Variants in IL17RD observed in about 807,000 individuals in gnomAD.
The protein encoded by IL17RD is interleukin 17 receptor D.
Under a neutral mutation model 80.5 loss-of-function variants are expected in IL17RD, and 52 were observed. The ratio of observed to expected loss-of-function variants is 0.65; its 90% CI spans 0.52 to 0.81. The LOEUF (loss-of-function observed/expected upper bound fraction) is 0.81, where lower values mean the gene tolerates loss of function less well. Among genes scored for constraint, IL17RD ranks in the 40% least tolerant of loss-of-function variants. IL17RD has a pLI of 0.00. For synonymous variants in IL17RD, 416 were observed against 391.8 expected, an observed-to-expected ratio of 1.06 and a Z score of -0.73; for missense variants, 1,024 against 955.1, an observed-to-expected ratio of 1.07 and a Z score of -0.95.
At chr3:57,164,999 G>A (rs932425311) in intron 1 of IL17RD, 162 bp downstream of exon 1, 11 of 1,337,942 alleles carry the variant, frequency 8.2e-6, no homozygotes, top group African/African-American at 7.8e-5. Context: ...CGCGTCCGGG[G>A]AGGGAAACCA....
chr3:57,156,048 T>C (rs761654123), intron 1 of IL17RD, among the ~76,000 whole-genome samples: 66 of 152,328 alleles, frequency 4.3e-4, no homozygotes, highest in Non-Finnish European at 5.1e-4. Context: ...GAGAACCTAC[T>C]ATGTGCCAGG....
At chr3:57,156,118 G>C (rs1192423369) in intron 1 of IL17RD, among the ~76,000 whole-genome samples, 3 of 152,196 alleles carry the variant, frequency 2.0e-5, no homozygotes, top group African/African-American at 7.2e-5. Context: ...ACATGGAGCT[G>C]ACACTGCAAC....
intron 1 of IL17RD, chr3:57,142,612 G>A (rs2107527682): frequency 4.8e-6 from 3 of 619,116 alleles, no homozygotes; most frequent in South Asian, 1.7e-5. Flanking sequence ...TGAGCCTCAG[G>A]AACTTCTCTA....
upstream of IL17RD, among the ~76,000 whole-genome samples, chr3:57,167,545 G>T (rs1033259417): frequency 6.6e-6 from 1 of 152,116 alleles, no homozygotes. Context: ...GAGGCGACCA[G>T]CTCCTTAATC....
Position 57,127,413 on chromosome 3 carries a change from T to TATA in IL17RD, c.127-7101_127-7100insTAT, listed in dbSNP as rs1491388109. ...ATAAATAAATATATATATATATATA[T>TATA]TTTTTTTTTGAGATAAGAGTCTTGC... On this transcript the variant is annotated intron_variant, in intron 1 of 12. Coordinates refer to ENST00000296318, the MANE Select transcript of IL17RD (RefSeq NM_017563.5). Among the ~76,000 whole-genome samples, 325 of 66,070 alleles carry TATA rather than the reference T, an allele frequency of 4.9e-3. 40 individuals are homozygous for TATA. Among genetic ancestry groups the TATA allele is most frequent in the Middle Eastern group, 0.014 (2 of 148 alleles). 43.3% of individuals were successfully genotyped at this position (66,070 alleles called of 152,430 possible). A position where few individuals can be genotyped will look rare whatever the true frequency, so the allele number is the denominator to read the frequency against.
At chr3:57,106,183 T>A in intron 5 of IL17RD, 29 bp from the exon 6 acceptor site, 1 of 1,568,594 alleles carries the variant, frequency 6.4e-7, no homozygotes, top group Non-Finnish European at 8.7e-7. Context: ...TACATGTTTT[T>A]AGTTTTAGGA....
chr3:57,146,804 G>A (rs936399367), intron 1 of IL17RD, among the ~76,000 whole-genome samples: 2 of 146,380 alleles, frequency 1.4e-5, no homozygotes, highest in Non-Finnish European at 1.5e-5. Flanking sequence ...TATTTCGTGT[G>A]TGTGTGAGAG....
In IL17RD at chr3:57,103,120, CTTG is replaced by C. The variant is rs1435050533; in HGVS notation, c.836_838del (p.Thr279del). 9.4e-6 allele frequency: 15 copies of C among 1,603,216 alleles called. No homozygotes were observed. The highest frequency in any genetic ancestry group is 5.1e-5 in the Admixed American group (3 of 58,536). On this transcript the variant is annotated inframe_deletion, in exon 9 of 13. Transcript: ENST00000296318. ...CTTTAAGGCATAATGCATCACTTTTCTTGTTGTGTTAGTGTCATCCACCAGCTG... is the reference window on the plus strand; with the variant it reads ...CTTTAAGGCATAATGCATCACTTTTCTTGTGTTAGTGTCATCCACCAGCTG...
chr3:57,122,223 C>T (rs933296295), intron 1 of IL17RD, among the ~76,000 whole-genome samples: 11 of 152,158 alleles, frequency 7.2e-5, no homozygotes, highest in African/African-American at 2.4e-4. Context: ...AGAAGCTTAA[C>T]AAGGAGAAGG....
At chr3:57,127,687 G>A (rs1029985404) in intron 1 of IL17RD, among the ~76,000 whole-genome samples, 4 of 151,988 alleles carry the variant, frequency 2.6e-5, no homozygotes, top group East Asian at 1.9e-4. Context: ...GATTACAGGC[G>A]TGAGCCACCA....
chr3:57,093,458 TAAAAG>T lies in IL17RD; in HGVS notation c.*2930_*2934del, dbSNP rs1706602849. On this transcript the variant is annotated 3_prime_UTR_variant, in exon 13 of 13. Transcript: ENST00000296318. Reference sequence around the variant, plus strand: ...TGGTCCTCTTGCCCCTTATTTCTTTTAAAAGAAAAGATGCTCAACTCTGAAAAAAA... The same window carrying T: ...TGGTCCTCTTGCCCCTTATTTCTTTTAAAAGATGCTCAACTCTGAAAAAAA... 1.3e-5 allele frequency: 2 copies of T among 152,296 alleles called. No individual in the cohort carries two copies. The highest frequency in any genetic ancestry group is 4.1e-4 in the South Asian group (2 of 4,824). The allele number at this position is 152,296 out of a possible 1,614,324, so 9.4% of individuals were successfully genotyped here. A position where few individuals can be genotyped will look rare whatever the true frequency, so the allele number is the denominator to read the frequency against.
chr3:57,102,096 A>C (rs977591480), intron 10 of IL17RD, among the ~76,000 whole-genome samples: 1 of 152,168 alleles, frequency 6.6e-6, no homozygotes, highest in Non-Finnish European at 1.5e-5. Context: ...CCCCATGACT[A>C]CAAAAAAAAT....
chr3:57,104,471 T>C, intron 7 of IL17RD, 64 bp from the exon 8 acceptor site: 1 of 1,076,368 alleles, frequency 9.3e-7, no homozygotes. Context: ...AGGACACCTC[T>C]TCTCCCCCAG....
At position 57,116,162 on chromosome 3, in the gene IL17RD, T is replaced by C. The variant is rs546029528; in HGVS notation, c.185-1345A>G. Among the ~76,000 whole-genome samples, 191 of 152,138 alleles carry C rather than the reference T, an allele frequency of 1.3e-3. 1 individual carries two copies. Among genetic ancestry groups the C allele is most frequent in the African/African-American group, 4.5e-3 (188 of 41,512 alleles). On this transcript the variant is annotated intron_variant, in intron 2 of 12. Transcript: ENST00000296318. ...AACACAACCCCCATACTTGTAAAAC[T>C]CCATCCTTCATGCTGCCTGTATTCT...
chr3:57,136,881 TAA>T lies in IL17RD; in HGVS notation c.127-16570_127-16569del, dbSNP rs143080712. Among the ~76,000 whole-genome samples, 1,244 of 152,184 alleles carry T rather than the reference TAA, an allele frequency of 8.2e-3. 70 individuals are homozygous for T. In the East Asian group the frequency reaches 0.16, roughly 19 times the overall value. On this transcript the variant is annotated intron_variant, in intron 1 of 12. Transcript: ENST00000296318. ...TACAATTAGTTTTGGAAAACAAAGC[TAA>T]AAGACACGAAACTACAGTAGATAAG...
At chr3:57,104,964 C>T (rs1021305956) in intron 7 of IL17RD, among the ~76,000 whole-genome samples, 1 of 152,164 alleles carries the variant, frequency 6.6e-6, no homozygotes, top group Non-Finnish European at 1.5e-5. Flanking sequence ...ACTCTTCTGA[C>T]CACTCCCAGT....
At chr3:57,102,160 C>T (rs1706845997) in intron 10 of IL17RD, among the ~76,000 whole-genome samples, 1 of 152,122 alleles carries the variant, frequency 6.6e-6, no homozygotes, top group African/African-American at 2.4e-5. Context: ...CCCCAGCTAC[C>T]TCAGGGGGCT....
intron 11 of IL17RD, among the ~76,000 whole-genome samples, chr3:57,099,883 A>C (rs1461888176): frequency 1.3e-5 from 2 of 152,342 alleles, no homozygotes; most frequent in Non-Finnish European, 2.9e-5. Flanking sequence ...ATAGTGTAAA[A>C]AATTATTAAG....
intron 2 of IL17RD, among the ~76,000 whole-genome samples, chr3:57,116,681 T>C (rs1488035429): frequency 2.6e-5 from 4 of 152,156 alleles, no homozygotes; most frequent in African/African-American, 9.7e-5. Flanking sequence ...CAACATATGT[T>C]CTCTGGGTAA....
Sources: gnomAD v4.1 joint callset for allele counts (sites outside exome capture counted in the v4.1 genomes callset) on GRCh38, gnomAD v4.1.1 for gene constraint, MANE v1.5 for transcripts, NCBI Gene and HGNC (gene_info 2026-07-23, HGNC 2026-07-21) for gene names.